Variants in CNBD2 observed in about 807,000 individuals in gnomAD.
CNBD2 encodes cyclic nucleotide binding domain containing 2, also known as cyclic nucleotide-binding domain-containing protein 2.
CNBD2 carries 64 observed loss-of-function variants against 63.7 expected under a neutral mutation model. The observed-to-expected ratio is 1.00, with a 90% confidence interval of 0.82 to 1.24. CNBD2 has a LOEUF of 1.24. CNBD2 is among the 50% of genes most tolerant of loss of function. The probability of loss-of-function intolerance (pLI) is 0.00; values close to 1 mark genes in which losing one functional copy is unlikely to be tolerated. For missense variants in CNBD2, 691 were observed against 713.5 expected (o/e 0.97, Z 0.36); for synonymous variants, 229 against 255.4 (o/e 0.90, Z 0.99).
In CNBD2 at chr20:35,972,759, T is replaced by C; in HGVS notation, c.182T>C (p.Phe61Ser). ...CACTGGAAGCACCCTATCTTCTCCT[T>C]CTGGGATGTAAGCAGTTGGGCTCAG... ...TAHWKHPIFS[F>S]WDKKMQSRVT... The change falls in exon 2 of 12, where the codon TTC becomes TCC. Residue 61 changes from phenylalanine (F) to serine (S), a missense_variant. Phe to Ser is a radical substitution (Grantham distance 155). Transcript: ENST00000373973. 6.2e-7 allele frequency: 1 copy of C among 1,614,126 alleles called. No homozygotes were observed.
intron 11 of CNBD2, among the ~76,000 whole-genome samples, chr20:36,029,982 G>A (rs185061378): frequency 2.0e-4 from 31 of 152,234 alleles, no homozygotes; most frequent in Non-Finnish European, 3.1e-4. Flanking sequence ...CACGTAAACC[G>A]AATCATGTAA....
At position 36,000,480 on chromosome 20, in the gene CNBD2, G is replaced by A. The variant is rs145276476; in HGVS notation, c.970+5328G>A. On this transcript the variant is annotated intron_variant, in intron 8 of 11. Coordinates refer to ENST00000373973, the MANE Select transcript of CNBD2 (RefSeq NM_001365709.1). ...CAACCTCTACCTCCCTGGTTCAAGC[G>A]ATTACCCTGCCTCAGCCTCCTGAAT... Among the ~76,000 whole-genome samples, 621 of 151,994 alleles carry A rather than the reference G, an allele frequency of 4.1e-3. 8 individuals carry two copies. Among genetic ancestry groups the A allele is most frequent in the African/African-American group, 0.014 (596 of 41,470 alleles).
intron 8 of CNBD2, among the ~76,000 whole-genome samples, chr20:36,007,007 G>A (rs554827261): frequency 1.3e-5 from 2 of 152,164 alleles, no homozygotes; most frequent in South Asian, 2.1e-4. Context: ...GACTAACATG[G>A]TGAAACCCTG....
intron 8 of CNBD2, among the ~76,000 whole-genome samples, chr20:36,004,263 A>G (rs1005675473): frequency 1.3e-5 from 2 of 152,126 alleles, no homozygotes; most frequent in African/African-American, 4.8e-5. Context: ...TTCCCAATAC[A>G]CATGTGCTGA....
chr20:35,965,319 A>G (rs1297293888), upstream of CNBD2, among the ~76,000 whole-genome samples: 1 of 151,830 alleles, frequency 6.6e-6, no homozygotes, highest in African/African-American at 2.4e-5. Context: ...CTGGGATTAC[A>G]GGTGCATGCC....
intron 2 of CNBD2, 94 bp downstream of exon 2, chr20:35,972,860 G>T: frequency 7.8e-7 from 1 of 1,278,080 alleles, no homozygotes. Flanking sequence ...TGAGAAAGAA[G>T]ACAAAAGGAA....
intron 8 of CNBD2, among the ~76,000 whole-genome samples, chr20:35,999,825 C>A (rs934011154): frequency 7.2e-5 from 11 of 151,944 alleles, no homozygotes; most frequent in African/African-American, 2.4e-4. Context: ...TTATAGGTGC[C>A]TGCCACCATG....
Position 35,984,752 on chromosome 20 carries a change from T to C in CNBD2, c.690T>C (p.Asp230=), listed in dbSNP as rs369262487. Reference sequence around the variant, plus strand: ...AGCTGGACCAGGAAGTTCAGAAGGATGCTCAGTATCGGTTTGAATTTTTTA... The same window carrying C: ...AGCTGGACCAGGAAGTTCAGAAGGACGCTCAGTATCGGTTTGAATTTTTTA... ...ANKLDQEVQK[D]AQYRFEFFRK... is the part of the protein sequence containing the mutation. Residue 230 remains aspartate (D), a synonymous_variant, in exon 6 of 12, where the codon GAT becomes GAC. Transcript: ENST00000373973. The C allele has an allele frequency of 6.2e-7, 1 of 1,614,084 alleles. No individual in the cohort carries two copies. Among genetic ancestry groups the C allele is most frequent in the African/African-American group, 1.3e-5 (1 of 74,934 alleles).
At chr20:36,021,569 T>G (rs529879370) in intron 10 of CNBD2, among the ~76,000 whole-genome samples, 1 of 152,328 alleles carries the variant, frequency 6.6e-6, no homozygotes, top group East Asian at 1.9e-4. Flanking sequence ...CTCCACAGAG[T>G]GGGCCTCTTG....
intron 1 of CNBD2, among the ~76,000 whole-genome samples, chr20:35,972,302 G>A (rs1052948832): frequency 1.3e-5 from 2 of 152,092 alleles, no homozygotes; most frequent in Admixed American, 6.6e-5. Context: ...GCAATTAGTC[G>A]TGCCACTTAT....
intron 3 of CNBD2, among the ~76,000 whole-genome samples, chr20:35,976,372 A>G (rs1489973648): frequency 6.6e-6 from 1 of 152,158 alleles, no homozygotes; most frequent in Non-Finnish European, 1.5e-5. Context: ...GACCTGTGTG[A>G]ATTCTGGTTC....
chr20:35,992,079 C>T (rs541344643), intron 7 of CNBD2, among the ~76,000 whole-genome samples: 59 of 152,268 alleles, frequency 3.9e-4, no homozygotes, highest in African/African-American at 1.3e-3. Flanking sequence ...TGGGATTTCA[C>T]CATGTTGGCC....
rs747302894 is a variant in CNBD2, at chr20:35,995,132, C to T, written c.950C>T (p.Pro317Leu). ...CACCTGGAGCTGATAGATGGCAGAC[C>T]TCTGAAGACCCACCTGAGTGGTAAG... Reference protein sequence around the residue: ...WQHLELIDGRPLKTHLSEYSP... With the variant: ...WQHLELIDGRLLKTHLSEYSP... The change falls in exon 8 of 12, where the codon CCT (proline) becomes CTT (leucine). Residue 317 changes from proline to leucine, a missense_variant. Coordinates refer to ENST00000373973, the MANE Select transcript of CNBD2 (RefSeq NM_001365709.1). The T allele has an allele frequency of 2.5e-6, 4 of 1,613,742 alleles. No homozygotes were observed. In the South Asian group the frequency reaches 3.3e-5, roughly 13 times the overall value.
upstream of CNBD2, among the ~76,000 whole-genome samples, chr20:35,966,631 G>A (rs2056346816): frequency 6.6e-6 from 1 of 152,064 alleles, no homozygotes; most frequent in Non-Finnish European, 1.5e-5. Flanking sequence ...ATTTGGGTGA[G>A]GTCTTCTGTT....
At chr20:36,022,440 C>T (rs1470490401) in intron 10 of CNBD2, among the ~76,000 whole-genome samples, 1 of 151,904 alleles carries the variant, frequency 6.6e-6, no homozygotes, top group Non-Finnish European at 1.5e-5. Context: ...TCTCGTGATC[C>T]ACCCGCCTCA....
chr20:35,974,357 C>T (rs1415465791), intron 2 of CNBD2: 1 of 153,654 alleles, frequency 6.5e-6, no homozygotes, highest in South Asian at 2.1e-4. Flanking sequence ...TGCAATGGGC[C>T]CTGGAGATCA....
chr20:35,969,671 A>G lies in CNBD2; in HGVS notation c.51+858A>G, dbSNP rs540750208. Among the ~76,000 whole-genome samples, 27 of 152,272 alleles carry G rather than the reference A, an allele frequency of 1.8e-4. No individual in the cohort carries two copies. In the East Asian group the frequency reaches 4.2e-3, roughly 24 times the overall value. ...ACACACAGACTTAGTGCTGTGTTCA[A>G]TCCTGTGACTGAACCATAATGTATT... On this transcript the variant is annotated intron_variant, in intron 1 of 11. Transcript: ENST00000373973.
chr20:36,011,218 C>T lies in CNBD2; in HGVS notation c.1230C>T (p.Ala410=), dbSNP rs757614735. Residue 410 remains alanine, a synonymous_variant, in exon 10 of 12, where the codon GCC becomes GCT. Coordinates refer to ENST00000373973, the MANE Select transcript of CNBD2 (RefSeq NM_001365709.1). ...GELPKEAAVG[A]YVKVHTVEQG... ...TCCCCAAGGAGGCTGCAGTGGGGGC[C>T]TACGTGAAGGTGCACACTGTGGAGC... The T allele has an allele frequency of 6.3e-7, 1 of 1,593,840 alleles. No homozygotes were observed. Among genetic ancestry groups the T allele is most frequent in the South Asian group, 1.1e-5 (1 of 87,922 alleles).
At chr20:35,956,167 C>T (rs1175962142), downstream of CNBD2, among the ~76,000 whole-genome samples, 1 of 152,204 alleles carries the variant, frequency 6.6e-6, no homozygotes, top group Non-Finnish European at 1.5e-5. Flanking sequence ...CATTAACATG[C>T]CATTAGCCCT....
Sources: allele counts gnomAD v4.1 joint callset (sites outside exome capture counted in the v4.1 genomes callset), GRCh38; gene constraint gnomAD v4.1.1; transcripts MANE v1.5; gene names NCBI Gene and HGNC (gene_info 2026-07-23, HGNC 2026-07-21).